SH3KBP1: variants seen among roughly 807,000 people sequenced by gnomAD.
The protein encoded by SH3KBP1 is SH3 domain containing kinase binding protein 1, also known as SH3 domain-containing kinase-binding protein 1.
A neutral mutation model predicts 50.1 loss-of-function variants in SH3KBP1; 8 were observed. The observed-to-expected ratio is 0.16, with a 90% CI of 0.09 to 0.29. The LOEUF (loss-of-function observed/expected upper bound fraction) is 0.29, where lower values mean the gene tolerates loss of function less well. Ranked by LOEUF, SH3KBP1 falls within the 10% of genes least tolerant of loss-of-function variation. The pLI is 1.00. For synonymous variants in SH3KBP1, 227 were observed against 218.6 expected, an observed-to-expected ratio of 1.04 and a Z score of -0.34; for missense variants, 377 against 535.2, an observed-to-expected ratio of 0.70 and a Z score of 2.92.
chrX:19,561,954 A>T (rs1810481162), intron 13 of SH3KBP1, among the ~76,000 whole-genome samples: 1 of 109,740 alleles, frequency 9.1e-6, no homozygotes, highest in Non-Finnish European at 1.9e-5. Flanking sequence ...AAATCAGGGC[A>T]TCCTGCTGAC....
intron 8 of SH3KBP1, among the ~76,000 whole-genome samples, chrX:19,620,130 C>T (rs2067761476): frequency 1.8e-5 from 2 of 112,401 alleles, no homozygotes; most frequent in African/African-American, 3.2e-5. Context: ...GAGAGAAAAT[C>T]ATTTTGCTTC....
At chrX:19,701,004 T>C (rs1329952338) in intron 4 of SH3KBP1, among the ~76,000 whole-genome samples, 2 of 111,719 alleles carry the variant, frequency 1.8e-5, no homozygotes. Flanking sequence ...AGAAAACATA[T>C]ACAATTTCTA....
intron 2 of SH3KBP1, among the ~76,000 whole-genome samples, chrX:19,786,351 G>A (rs1052587110): frequency 9.0e-6 from 1 of 111,625 alleles, no homozygotes; most frequent in African/African-American, 3.3e-5. Context: ...AGATGATAAC[G>A]CTGAAGCTAG....
intron 2 of SH3KBP1, among the ~76,000 whole-genome samples, chrX:19,765,553 T>C (rs1359423430): frequency 5.4e-5 from 6 of 112,092 alleles, no homozygotes; most frequent in Non-Finnish European, 1.1e-4. Flanking sequence ...AAAAATTTTT[T>C]TTAATTGTGG....
At chrX:19,651,351 C>T (rs897205180) in intron 6 of SH3KBP1, among the ~76,000 whole-genome samples, 9 of 110,729 alleles carry the variant, frequency 8.1e-5, no homozygotes, top group Non-Finnish European at 1.5e-4. Flanking sequence ...AAATACAACG[C>T]AAAATTCTAA....
chrX:19,843,633 G>T (rs962628069), intron 1 of SH3KBP1, among the ~76,000 whole-genome samples: 2 of 110,831 alleles, frequency 1.8e-5, no homozygotes, highest in Non-Finnish European at 3.8e-5. Context: ...CTCAGAACAC[G>T]GACCCCAGTG....
At chrX:19,853,399 G>A (rs1184890023) in intron 1 of SH3KBP1, among the ~76,000 whole-genome samples, 1 of 111,069 alleles carries the variant, frequency 9.0e-6, no homozygotes, top group African/African-American at 3.3e-5. Context: ...CAGGATACAG[G>A]CTTGGAGGGG....
intron 2 of SH3KBP1, among the ~76,000 whole-genome samples, chrX:19,769,274 CT>C (rs34603545): frequency 0.25 from 25,584 of 103,347 alleles, 3,950 homozygotes; most frequent in African/African-American, 0.54. Context: ...TCTTCTTTTT[CT>C]TTTTTTTTCG....
At chrX:19,610,932 T>A (rs1365661567) in intron 8 of SH3KBP1, among the ~76,000 whole-genome samples, 2 of 111,917 alleles carry the variant, frequency 1.8e-5, no homozygotes, top group African/African-American at 3.3e-5. Flanking sequence ...TTGTCTAGGC[T>A]GGAGTGCAGT....
In SH3KBP1 at chrX:19,546,244, C is replaced by G. The variant is rs16981213; in HGVS notation, c.1495-194G>C. On this transcript the variant is annotated intron_variant, in intron 14 of 17. Coordinates refer to ENST00000397821, the MANE Select transcript of SH3KBP1 (RefSeq NM_031892.3). Reference sequence around the variant, plus strand: ...TAGCTGATTAGTGGCAGAACTGCGACTAAGAAGCAAGGTTTCCTAAACCAG... The same window carrying G: ...TAGCTGATTAGTGGCAGAACTGCGAGTAAGAAGCAAGGTTTCCTAAACCAG... Among the ~76,000 whole-genome samples the G allele has an allele frequency of 0.02, 2,277 of 112,450 alleles. 58 individuals carry two copies. The highest frequency in any genetic ancestry group is 0.069 in the African/African-American group (2,144 of 30,901).
chrX:19,561,306 C>A (rs753098397), intron 13 of SH3KBP1, among the ~76,000 whole-genome samples: 4 of 110,447 alleles, frequency 3.6e-5, no homozygotes, highest in African/African-American at 1.3e-4. Flanking sequence ...CTCTCATTCA[C>A]CAGCCTGGGT....
At chrX:19,616,135 A>G (rs985689106) in intron 8 of SH3KBP1, among the ~76,000 whole-genome samples, 5 of 110,791 alleles carry the variant, frequency 4.5e-5, no homozygotes, top group African/African-American at 1.6e-4. Flanking sequence ...CTAATTTTTT[A>G]ATTTTTTGTA....
intron 2 of SH3KBP1, among the ~76,000 whole-genome samples, chrX:19,760,689 C>A (rs2065394992): frequency 9.0e-6 from 1 of 110,793 alleles, no homozygotes; most frequent in African/African-American, 3.3e-5. Context: ...CCACTGAGAG[C>A]GTAACCTTGG....
At chrX:19,832,962 T>C (rs1358810325) in intron 2 of SH3KBP1, among the ~76,000 whole-genome samples, 1 of 112,462 alleles carries the variant, frequency 8.9e-6, no homozygotes, top group African/African-American at 3.2e-5. Context: ...ATGAGCAAAT[T>C]CCATAGGCTT....
At chrX:19,584,268 T>C in intron 12 of SH3KBP1, among the ~76,000 whole-genome samples, 1 of 75,512 alleles carries the variant, frequency 1.3e-5, no homozygotes, top group East Asian at 3.0e-4. Context: ...AAAATACATA[T>C]TTATATATAT....
In SH3KBP1 at chrX:19,631,953, C is replaced by T; in HGVS notation, c.808G>A (p.Asp270Asn). The change falls in exon 8 of 18, where the codon GAT (aspartate) becomes AAT (asparagine). Residue 270 changes from aspartate to asparagine, a missense_variant. Physicochemically the swap from Asp to Asn is conservative, Grantham distance 23. Transcript: ENST00000397821. ...TEMDSRTKSK[D>N]YCKVIFPYEA... is the part of the protein sequence containing the mutation. ...TATGGAAATATTACTTTGCAGTAAT[C>T]CTTGCCTATAAGAAAAACAGAAAAC... The T allele has an allele frequency of 8.6e-7, 1 of 1,157,142 alleles. No homozygotes were observed. The highest frequency in any genetic ancestry group is 1.8e-5 in the African/African-American group (1 of 56,658).
chrX:19,586,943 C>T (rs186829431), intron 12 of SH3KBP1, among the ~76,000 whole-genome samples: 3 of 111,609 alleles, frequency 2.7e-5, no homozygotes, highest in African/African-American at 9.8e-5. Context: ...ATGAATCCAC[C>T]GGGCACGGTG....
intron 12 of SH3KBP1, among the ~76,000 whole-genome samples, chrX:19,577,815 G>A (rs999973129): frequency 4.5e-5 from 5 of 110,994 alleles, no homozygotes; most frequent in African/African-American, 1.3e-4. Context: ...CAAATCTACC[G>A]ATTGCTACTG....
chrX:19,836,397 T>C, intron 1 of SH3KBP1, 115 bp from the exon 2 acceptor site: 1 of 683,117 alleles, frequency 1.5e-6, no homozygotes, highest in Non-Finnish European at 2.2e-6. Context: ...TCTACAAATA[T>C]TCAAAATAAC....
Sources: gnomAD v4.1 joint callset for allele counts (sites outside exome capture counted in the v4.1 genomes callset) on GRCh38, gnomAD v4.1.1 for gene constraint, MANE v1.5 for transcripts, NCBI Gene and HGNC (gene_info 2026-07-23, HGNC 2026-07-21) for gene names.